Variants in MYBL1 observed in about 807,000 individuals in gnomAD.
MYBL1 encodes MYB proto-oncogene like 1.
A neutral mutation model predicts 96.3 loss-of-function variants in MYBL1; 17 were observed. The ratio of observed to expected loss-of-function variants is 0.18; its 90% CI spans 0.12 to 0.26. The LOEUF is 0.26. MYBL1 is among the 10% of genes least tolerant of loss of function. The pLI is 1.00. For missense variants in MYBL1, 701 were observed against 882.9 expected (o/e 0.79, Z 2.61); for synonymous variants, 282 against 292.7 (o/e 0.96, Z 0.37).
intron 9 of MYBL1, among the ~76,000 whole-genome samples, chr8:66,578,997 G>C (rs1809087098): frequency 6.6e-6 from 1 of 151,928 alleles, no homozygotes; most frequent in South Asian, 2.1e-4. Flanking sequence ...ACCAAACACT[G>C]CATGTTCTCA....
At chr8:66,567,323 C>T (rs1163397636) in intron 12 of MYBL1, among the ~76,000 whole-genome samples, 1 of 151,988 alleles carries the variant, frequency 6.6e-6, no homozygotes, top group Non-Finnish European at 1.5e-5. Context: ...TACATAAAAA[C>T]AGGAAATATA....
At chr8:66,587,629 C>T (rs996325664) in intron 8 of MYBL1, among the ~76,000 whole-genome samples, 10 of 152,132 alleles carry the variant, frequency 6.6e-5, no homozygotes, top group African/African-American at 1.9e-4. Flanking sequence ...GCCCAGTTAT[C>T]GCCCTCTTTG....
chr8:66,588,981 C>T (rs1397704283), intron 8 of MYBL1, among the ~76,000 whole-genome samples: 3 of 152,166 alleles, frequency 2.0e-5, no homozygotes, highest in Admixed American at 2.0e-4. Flanking sequence ...GATCACGCTA[C>T]TGCACTCCAG....
chr8:66,599,788 G>A (rs1387543298), intron 3 of MYBL1, among the ~76,000 whole-genome samples: 5 of 149,900 alleles, frequency 3.3e-5, no homozygotes, highest in African/African-American at 9.8e-5. Context: ...CAACAAGAGC[G>A]AAACTCTCAT....
intron 8 of MYBL1, among the ~76,000 whole-genome samples, chr8:66,587,399 C>CA (rs146149093): frequency 0.025 from 3,765 of 151,794 alleles, 162 homozygotes; most frequent in African/African-American, 0.085. Context: ...CTTATTTTAT[C>CA]ATATACTATC....
chr8:66,577,741 A>G (rs1809022607), intron 9 of MYBL1, among the ~76,000 whole-genome samples: 1 of 152,202 alleles, frequency 6.6e-6, no homozygotes, highest in Non-Finnish European at 1.5e-5. Flanking sequence ...TAAAGTTCAT[A>G]TGGAACCAAA....
At chr8:66,573,659 A>T (rs1808824960) in intron 10 of MYBL1, among the ~76,000 whole-genome samples, 153 bp from the exon 11 acceptor site, 1 of 152,208 alleles carries the variant, frequency 6.6e-6, no homozygotes, top group Admixed American at 6.5e-5. Context: ...ATTATGCTCC[A>T]TGAGGGTAGG....
intron 12 of MYBL1, among the ~76,000 whole-genome samples, chr8:66,568,570 T>C (rs1356458740): frequency 6.6e-6 from 1 of 152,088 alleles, no homozygotes; most frequent in Non-Finnish European, 1.5e-5. Flanking sequence ...CCCAAAGTGC[T>C]GGGATCACAG....
At chr8:66,575,775 G>A (rs528967852) in intron 10 of MYBL1, among the ~76,000 whole-genome samples, 25 of 152,114 alleles carry the variant, frequency 1.6e-4, no homozygotes, top group Non-Finnish European at 2.6e-4. Flanking sequence ...CGGCAACAAA[G>A]TGAGTCCCTG....
chr8:66,598,777 T>G (rs1809951571), intron 4 of MYBL1, among the ~76,000 whole-genome samples: 1 of 152,176 alleles, frequency 6.6e-6, no homozygotes, highest in Non-Finnish European at 1.5e-5. Flanking sequence ...GAAACTGAGC[T>G]CAAAACAAGG....
At chr8:66,583,265 G>A (rs1266332919) in intron 8 of MYBL1, among the ~76,000 whole-genome samples, 1 of 151,910 alleles carries the variant, frequency 6.6e-6, no homozygotes, top group East Asian at 1.9e-4. Flanking sequence ...AAATTAAGAA[G>A]GAAACCAAAA....
chr8:66,565,332 A>G (rs1309049350), intron 15 of MYBL1: 2 of 152,180 alleles, frequency 1.3e-5, no homozygotes, highest in African/African-American at 4.8e-5. Context: ...AACTTTCCCC[A>G]AAAGTTCTAT....
chr8:66,568,978 C>T (rs938731293), intron 12 of MYBL1, among the ~76,000 whole-genome samples: 13 of 152,106 alleles, frequency 8.5e-5, no homozygotes, highest in Non-Finnish European at 1.6e-4. Context: ...GAGCCGAGAT[C>T]GCGCCACTAC....
intron 10 of MYBL1, among the ~76,000 whole-genome samples, chr8:66,575,684 G>T (rs556482091): frequency 6.6e-6 from 1 of 152,190 alleles, no homozygotes; most frequent in Non-Finnish European, 1.5e-5. Flanking sequence ...AGGCTACTTG[G>T]GGGGCTGAGG....
chr8:66,587,678 G>A lies in MYBL1; in HGVS notation c.867+4762C>T, dbSNP rs773553517. Among the ~76,000 whole-genome samples, 19 of 152,268 alleles carry A rather than the reference G, an allele frequency of 1.2e-4. No individual in the cohort carries two copies. The Middle Eastern group carries it at 0.01, about 82-fold the overall frequency. ...TTTCTCACCCGCATACCAACTGAAA[G>A]GTATGTGGTTTGGAGGGAACTCCAA... On this transcript the variant is annotated intron_variant, in intron 8 of 15. Coordinates refer to ENST00000522677, the MANE Select transcript of MYBL1 (RefSeq NM_001080416.4).
chr8:66,568,046 C>CAA (rs561036519), intron 12 of MYBL1, among the ~76,000 whole-genome samples: 4 of 67,106 alleles, frequency 6.0e-5, no homozygotes, highest in Admixed American at 1.8e-4. Context: ...GACTCCGTCT[C>CAA]AAAAAAAAAA....
intron 8 of MYBL1, among the ~76,000 whole-genome samples, chr8:66,583,532 T>G (rs1809297656): frequency 6.6e-6 from 1 of 151,084 alleles, no homozygotes. Context: ...AAATGAGAAG[T>G]TGACTTTTTA....
At position 66,597,494 on chromosome 8, in the gene MYBL1, A is replaced by G. The variant is rs751302089; in HGVS notation, c.348T>C (p.His116=). Residue 116 remains histidine, a synonymous_variant, in exon 5 of 16, where the codon CAT becomes CAC. Coordinates refer to ENST00000522677, the MANE Select transcript of MYBL1 (RefSeq NM_001080416.4). ...ACTGCTTGCCTATTCTTCCTTTTAA[A>G]TGTTTTGCAATTAAAGACCATCTTT... The part of the protein sequence containing the change: ...GPKRWSLIAK[H]LKGRIGKQCR... The G allele has an allele frequency of 1.2e-6, 2 of 1,613,202 alleles. No individual in the cohort carries two copies. The highest frequency in any genetic ancestry group is 1.7e-6 in the Non-Finnish European group (2 of 1,179,482).
intron 6 of MYBL1, among the ~76,000 whole-genome samples, chr8:66,594,813 A>C (rs1191228682): frequency 6.6e-6 from 1 of 152,192 alleles, no homozygotes; most frequent in African/African-American, 2.4e-5. Flanking sequence ...TCAAAAATCA[A>C]ATCTGAGGCA....
Sources: gnomAD v4.1 joint callset for allele counts (sites outside exome capture counted in the v4.1 genomes callset) on GRCh38, gnomAD v4.1.1 for gene constraint, MANE v1.5 for transcripts, NCBI Gene and HGNC (gene_info 2026-07-23, HGNC 2026-07-21) for gene names.